Variants in RELN observed in about 807,000 individuals in gnomAD.
The protein encoded by RELN is reelin.
Under a neutral mutation model 427.6 loss-of-function variants are expected in RELN, and 108 were observed. The ratio of observed to expected loss-of-function variants is 0.25; its 90% CI spans 0.22 to 0.30. The LOEUF is 0.30. RELN is among the 10% of genes least tolerant of loss of function. The probability of loss-of-function intolerance (pLI) is 1.00; values close to 1 mark genes in which losing one functional copy is unlikely to be tolerated. For missense variants in RELN, 3,715 were observed against 4,302.8 expected (o/e 0.86, Z 3.82); for synonymous variants, 1,524 against 1,513.4 (o/e 1.01, Z -0.16).
intron 42 of RELN, 83 bp downstream of exon 42, chr7:103,545,041 T>C: frequency 4.2e-6 from 4 of 948,976 alleles, no homozygotes; most frequent in Middle Eastern, 3.1e-4. Context: ...GAATTAAACT[T>C]AATGATTAGT....
chr7:103,642,305 C>T (rs1319757455), intron 16 of RELN, among the ~76,000 whole-genome samples: 1 of 148,070 alleles, frequency 6.8e-6, no homozygotes, highest in Non-Finnish European at 1.5e-5. Flanking sequence ...TTTTCTGTGA[C>T]ATAATTCTAG....
intron 2 of RELN, among the ~76,000 whole-genome samples, chr7:103,900,849 G>A (rs1252717715): frequency 6.6e-6 from 1 of 151,924 alleles, no homozygotes; most frequent in African/African-American, 2.4e-5. Flanking sequence ...ACTCAAGATG[G>A]ATCAAAAACT....
chr7:103,557,264 T>G (rs1182958882), intron 37 of RELN, 105 bp from the exon 38 acceptor site: 1 of 973,524 alleles, frequency 1.0e-6, no homozygotes, highest in African/African-American at 1.6e-5. Context: ...GAACTTATGT[T>G]TACATGGAAG....
intron 20 of RELN, among the ~76,000 whole-genome samples, chr7:103,612,199 T>C (rs1388987986): frequency 2.0e-5 from 3 of 152,192 alleles, no homozygotes; most frequent in Non-Finnish European, 2.9e-5. Flanking sequence ...ACAATGTCAA[T>C]GTCAAAATGG....
At chr7:103,898,274 C>A (rs952390152) in intron 2 of RELN, among the ~76,000 whole-genome samples, 1 of 151,848 alleles carries the variant, frequency 6.6e-6, no homozygotes, top group Non-Finnish European at 1.5e-5. Flanking sequence ...TTTGTCCTAC[C>A]ATTATTATTT....
chr7:103,641,736 C>A lies in RELN; in HGVS notation c.2003-1127G>T, dbSNP rs118011762. 7.4e-4 allele frequency among the ~76,000 whole-genome samples: 112 copies of A among 152,254 alleles called. No individual in the cohort carries two copies. In the South Asian group the frequency reaches 0.011, roughly 15 times the overall value. Reference sequence around the variant, plus strand: ...GTTATAATCAGCACCATACTGAGGTCAAGTATTCCTTGACACCCTCCTGTC... The same window carrying A: ...GTTATAATCAGCACCATACTGAGGTAAAGTATTCCTTGACACCCTCCTGTC... On this transcript the variant is annotated intron_variant, in intron 16 of 64. Coordinates refer to ENST00000428762, the MANE Select transcript of RELN (RefSeq NM_005045.4).
intron 1 of RELN, among the ~76,000 whole-genome samples, chr7:103,924,995 C>CAT (rs1383330146): frequency 2.4e-4 from 3 of 12,334 alleles, no homozygotes; most frequent in Non-Finnish European, 6.0e-4. Flanking sequence ...TACACATACA[C>CAT]ACACACACAC....
chr7:103,815,857 T>C (rs1792856528), intron 3 of RELN, among the ~76,000 whole-genome samples: 2 of 152,220 alleles, frequency 1.3e-5, no homozygotes, highest in Non-Finnish European at 2.9e-5. Context: ...GTAAATGGAT[T>C]TGAACCAACA....
intron 10 of RELN, among the ~76,000 whole-genome samples, chr7:103,689,457 A>G (rs890012830): frequency 6.6e-6 from 1 of 152,092 alleles, no homozygotes; most frequent in Non-Finnish European, 1.5e-5. Flanking sequence ...ACATTTATTA[A>G]CTGTGAGTGA....
At chr7:103,960,137 A>G (rs1796518157) in intron 1 of RELN, among the ~76,000 whole-genome samples, 1 of 152,152 alleles carries the variant, frequency 6.6e-6, no homozygotes, top group African/African-American at 2.4e-5. Context: ...CCTTGGCTCA[A>G]AACCCTTCAA....
intron 2 of RELN, among the ~76,000 whole-genome samples, chr7:103,845,636 C>T (rs6951263): frequency 0.14 from 21,138 of 152,028 alleles, 1,651 homozygotes; most frequent in East Asian, 0.29. Context: ...CTAATTTTCC[C>T]CATGTAATTT....
chr7:103,491,536 T>C (rs1160219929), intron 58 of RELN, among the ~76,000 whole-genome samples: 1 of 152,140 alleles, frequency 6.6e-6, no homozygotes, highest in Non-Finnish European at 1.5e-5. Context: ...TTTTAAGATA[T>C]AGGGTTATTC....
chr7:103,830,545 A>C (rs1793250383), intron 3 of RELN, among the ~76,000 whole-genome samples: 1 of 152,004 alleles, frequency 6.6e-6, no homozygotes, highest in African/African-American at 2.4e-5. Context: ...TTTAATATTT[A>C]AAATTAACAT....
intron 22 of RELN, among the ~76,000 whole-genome samples, chr7:103,608,850 C>T (rs1374152071): frequency 6.6e-6 from 1 of 152,162 alleles, no homozygotes; most frequent in African/African-American, 2.4e-5. Flanking sequence ...ATAAGGACAA[C>T]ACTTTCTGAA....
At chr7:103,742,386 C>A (rs955218806) in intron 6 of RELN, among the ~76,000 whole-genome samples, 2 of 152,188 alleles carry the variant, frequency 1.3e-5, no homozygotes, top group African/African-American at 4.8e-5. Flanking sequence ...AACGCAGCTC[C>A]TCACCAGTAA....
rs895648582 is a variant in RELN at position 103,535,913 on chromosome 7, T to A, written c.7181-429A>T. Among the ~76,000 whole-genome samples, 3 of 148,688 alleles carry A rather than the reference T, an allele frequency of 2.0e-5. No homozygotes were observed. The South Asian group carries it at 6.5e-4, about 32-fold the overall frequency. On this transcript the variant is annotated intron_variant, in intron 45 of 64. Transcript: ENST00000428762. ...AACATCATTTAAATGGTATATCATT[T>A]AATATAGTATAATACTTAAAAATTA...
chr7:103,652,771 A>G lies in RELN; in HGVS notation c.1555-12T>C, dbSNP rs2117391847. On this transcript the variant is annotated splice_polypyrimidine_tract_variant and intron_variant, in intron 13 of 64. Coordinates refer to ENST00000428762, the MANE Select transcript of RELN (RefSeq NM_005045.4). Reference sequence around the variant, plus strand: ...ACCAAAGACGGAACCTTTCAAACAAAGGAGACCAGAATCACTCAAAATCCT... The same window carrying G: ...ACCAAAGACGGAACCTTTCAAACAAGGGAGACCAGAATCACTCAAAATCCT... 2 of 1,611,406 alleles carry G rather than the reference A, an allele frequency of 1.2e-6. No individual in the cohort carries two copies. The highest frequency in any genetic ancestry group is 1.1e-5 in the South Asian group (1 of 91,014).
At chr7:103,925,421 GAC>G (rs1449375530) in intron 1 of RELN, among the ~76,000 whole-genome samples, 1 of 151,842 alleles carries the variant, frequency 6.6e-6, no homozygotes, top group Non-Finnish European at 1.5e-5. Flanking sequence ...CTTTATAAAT[GAC>G]ACTTTATTAT....
chr7:103,906,938 T>A (rs1169126201), intron 2 of RELN, among the ~76,000 whole-genome samples: 1 of 152,162 alleles, frequency 6.6e-6, no homozygotes, highest in African/African-American at 2.4e-5. Flanking sequence ...TATTTCTTTG[T>A]GTCCTCCTTA....
Sources: gnomAD v4.1 joint callset for allele counts (sites outside exome capture counted in the v4.1 genomes callset) on GRCh38, gnomAD v4.1.1 for gene constraint, MANE v1.5 for transcripts, NCBI Gene and HGNC (gene_info 2026-07-23, HGNC 2026-07-21) for gene names.